Variants in A2ML1 observed in about 807,000 individuals in gnomAD.
A2ML1 encodes alpha-2-macroglobulin-like protein 1.
A2ML1 carries 161 observed loss-of-function variants against 181.9 expected under a neutral mutation model. The observed-to-expected ratio is 0.89, with a 90% CI of 0.78 to 1.01. A2ML1 has a LOEUF of 1.01. Among genes scored for constraint, A2ML1 ranks in the 50% least tolerant of loss-of-function variants. The pLI is 0.00. For synonymous variants in A2ML1, 663 were observed against 666.8 expected (o/e 0.99, Z 0.09); for missense variants, 1,670 against 1,768.1 (o/e 0.94, Z 1.00).
intron 33 of A2ML1, among the ~76,000 whole-genome samples, chr12:8,872,204 T>C (rs1382084807): frequency 3.4e-5 from 5 of 148,322 alleles, no homozygotes; most frequent in Admixed American, 1.3e-4. Flanking sequence ...AAAAAAAAAC[T>C]GCTACCCCAG....
intron 3 of A2ML1, among the ~76,000 whole-genome samples, chr12:8,826,605 G>A (rs1357959893): frequency 6.6e-6 from 1 of 151,920 alleles, no homozygotes; most frequent in East Asian, 1.9e-4. Context: ...GCGCCACCAT[G>A]CCCAGCTAAT....
rs1467804846 is a variant in A2ML1, at chr12:8,855,564, C to T, written c.2820C>T (p.Asp940=). The change falls in exon 23 of 36, where the codon GAC becomes GAT. Residue 940 remains aspartate, a synonymous_variant. Transcript: ENST00000299698. ...AGCTCCCAGTGGACATTGTTCCTGA[C>T]TCGACCAAGGCTTATGTTACGGTTC... ...SLELPVDIVP[D]STKAYVTVLG... The T allele has an allele frequency of 3.1e-6, 5 of 1,613,994 alleles. No homozygotes were observed. The highest frequency in any genetic ancestry group is 4.2e-6 in the Non-Finnish European group (5 of 1,180,038).
chr12:8,855,636 G>A (rs889480030), intron 23 of A2ML1, 44 bp downstream of exon 23: 1 of 1,599,110 alleles, frequency 6.3e-7, no homozygotes, highest in Non-Finnish European at 8.6e-7. Context: ...AAAGGCGAAT[G>A]GAGGCTGCAA....
chr12:8,837,421 T>G lies in A2ML1; in HGVS notation c.729-19T>G, dbSNP rs1370685089. 6.2e-7 allele frequency: 1 copy of G among 1,612,600 alleles called. No individual in the cohort carries two copies. The highest frequency in any genetic ancestry group is 8.5e-7 in the Non-Finnish European group (1 of 1,178,984). ...AGTGGAATTTCCCAACTCTGACTCCTTATGCTTTTCTTGGTTAGGTACACC... is the reference window on the plus strand; with the variant it reads ...AGTGGAATTTCCCAACTCTGACTCCGTATGCTTTTCTTGGTTAGGTACACC... On this transcript the variant is annotated intron_variant, in intron 7 of 35. Coordinates refer to ENST00000299698, the MANE Select transcript of A2ML1 (RefSeq NM_144670.6).
Position 8,854,773 on chromosome 12 carries a change from A to G in A2ML1, c.2713-7A>G. 6.2e-7 allele frequency: 1 copy of G among 1,614,014 alleles called. No individual in the cohort carries two copies. Among genetic ancestry groups the G allele is most frequent in the Non-Finnish European group, 8.5e-7 (1 of 1,179,988 alleles). ...GTTGTTTTTATCTGTGTCTCTCTTC[A>G]TCGCAGCCTGAGGGAGTCCTGGTGG... On this transcript the variant is annotated splice_region_variant and splice_polypyrimidine_tract_variant and intron_variant, in intron 21 of 35. Coordinates refer to ENST00000299698, the MANE Select transcript of A2ML1 (RefSeq NM_144670.6).
Position 8,864,002 on chromosome 12 carries a change from T to C in A2ML1, c.3711T>C (p.Ser1237=). The part of the protein sequence containing the change: ...KQHNAYGGFS[S]TQDTVVALQA... Reference sequence around the variant, plus strand: ...ACAATGCATATGGGGGCTTCTCTTCTACTCAGGTAAACAGCCTGTTCTCCC... The same window carrying C: ...ACAATGCATATGGGGGCTTCTCTTCCACTCAGGTAAACAGCCTGTTCTCCC... Residue 1237 remains serine (S), a synonymous_variant, in exon 29 of 36, where the codon TCT becomes TCC. Coordinates refer to ENST00000299698, the MANE Select transcript of A2ML1 (RefSeq NM_144670.6). 6.2e-7 allele frequency: 1 copy of C among 1,611,782 alleles called. No individual in the cohort carries two copies. Among genetic ancestry groups the C allele is most frequent in the Non-Finnish European group, 8.5e-7 (1 of 1,179,586 alleles).
intron 22 of A2ML1, among the ~76,000 whole-genome samples, chr12:8,855,172 C>T (rs749253784): frequency 8.5e-5 from 13 of 152,180 alleles, no homozygotes; most frequent in Admixed American, 4.6e-4. Flanking sequence ...GGATTACAGG[C>T]GTGAGCCACT....
At chr12:8,850,530 A>G (rs1408760991) in intron 18 of A2ML1, among the ~76,000 whole-genome samples, 1 of 151,928 alleles carries the variant, frequency 6.6e-6, no homozygotes, top group Non-Finnish European at 1.5e-5. Flanking sequence ...GCAAGATCAC[A>G]TTGCTTCACT....
chr12:8,845,874 T>A lies in A2ML1; in HGVS notation c.1538-203T>A, dbSNP rs1481159356. ...CAAAAAAAAAAAAAAATAAATAAAA[T>A]AAAATAAAATAAAATAAAAAAATTC... On this transcript the variant is annotated intron_variant, in intron 13 of 35. Coordinates refer to ENST00000299698, the MANE Select transcript of A2ML1 (RefSeq NM_144670.6). Among the ~76,000 whole-genome samples the A allele has an allele frequency of 2.2e-3, 211 of 97,802 alleles. 16 individuals are homozygous for A. The highest frequency in any genetic ancestry group is 0.011 in the African/African-American group (200 of 17,556). The allele number at this position is 97,802 out of a possible 152,430, so 64.2% of individuals were successfully genotyped here.
chr12:8,829,713 C>A lies in A2ML1; in HGVS notation c.410-14C>A, dbSNP rs779542542. The stretch of plus-strand genomic sequence containing the variant: ...GAAACATCCCCTTTGCTAATGATGC[C>A]TGTTCCTTTCCAGTGTATTTCCGCA... On this transcript the variant is annotated splice_polypyrimidine_tract_variant and intron_variant, in intron 3 of 35. Transcript: ENST00000299698. 4 of 1,612,878 alleles carry A rather than the reference C, an allele frequency of 2.5e-6. No homozygotes were observed.
At chr12:8,878,568 C>T (rs73047849), downstream of A2ML1, among the ~76,000 whole-genome samples, 7,108 of 152,194 alleles carry the variant, frequency 0.047, 217 homozygotes, top group Non-Finnish European at 0.068. This position sits in a 1 kb window ranked among gnomAD's most constrained non-coding sequence, Gnocchi z 4.4. Flanking sequence ...ATTTGGGTAA[C>T]GGGATCACTA....
chr12:8,855,624 G>A, intron 23 of A2ML1, 32 bp downstream of exon 23: 1 of 1,610,646 alleles, frequency 6.2e-7, no homozygotes, highest in Non-Finnish European at 8.5e-7. Flanking sequence ...ACTCAGAAAG[G>A]AAAAGGCGAA....
rs955669671 is a variant in A2ML1 at position 8,843,910 on chromosome 12, C to T, written c.1476+549C>T. On this transcript the variant is annotated intron_variant, in intron 12 of 35. Transcript: ENST00000299698. ...ATTTTTTTTGTATTTTTAGTAGAGA[C>T]GGGGTTTCACCATGTTAACTAGGAT... 1.4e-4 allele frequency among the ~76,000 whole-genome samples: 21 copies of T among 151,912 alleles called. 1 individual carries two copies. The highest frequency in any genetic ancestry group is 4.1e-4 in the African/African-American group (17 of 41,456).
At chr12:8,857,671 C>G in intron 25 of A2ML1, 83 bp downstream of exon 25, 1 of 1,439,050 alleles carries the variant, frequency 6.9e-7, no homozygotes, top group Non-Finnish European at 9.6e-7. Flanking sequence ...TACCTCTCCC[C>G]TTAACCCCTT....
chr12:8,853,807 A>C (rs981102235), intron 20 of A2ML1, among the ~76,000 whole-genome samples: 1 of 152,192 alleles, frequency 6.6e-6, no homozygotes, highest in Non-Finnish European at 1.5e-5. Flanking sequence ...CTAATCCCAG[A>C]AGAGTCATTA....
intron 11 of A2ML1, among the ~76,000 whole-genome samples, chr12:8,842,306 C>T (rs1234465292): frequency 6.6e-6 from 1 of 151,956 alleles, no homozygotes; most frequent in Non-Finnish European, 1.5e-5. Flanking sequence ...CAAGCTCCGC[C>T]TCCCCGGTTC....
chr12:8,844,527 A>G (rs941758606), intron 12 of A2ML1, among the ~76,000 whole-genome samples: 1 of 152,160 alleles, frequency 6.6e-6, no homozygotes, highest in Non-Finnish European at 1.5e-5. Context: ...AAAGCAATGT[A>G]TAAGGATAAG....
chr12:8,845,106 T>A, intron 12 of A2ML1: 1 of 1,452,544 alleles, frequency 6.9e-7, no homozygotes, highest in Non-Finnish European at 9.0e-7. Flanking sequence ...TTTCGCTGAC[T>A]TTCTGTTACA....
intron 5 of A2ML1, among the ~76,000 whole-genome samples, chr12:8,835,249 T>A (rs1388309623): frequency 6.6e-6 from 1 of 152,140 alleles, no homozygotes; most frequent in Non-Finnish European, 1.5e-5. Context: ...AGATAACACT[T>A]TAGAGGGCTC....
Sources: allele counts gnomAD v4.1 joint callset (sites outside exome capture counted in the v4.1 genomes callset), GRCh38; gene constraint gnomAD v4.1.1; non-coding constraint Gnocchi (gnomAD v3.1); transcripts MANE v1.5; gene names NCBI Gene and HGNC (gene_info 2026-07-23, HGNC 2026-07-21).